The following EYA1 variants were observed in gnomAD, a reference collection of about 807,000 sequenced individuals.
EYA1 encodes protein phosphatase EYA1.
EYA1 carries 16 observed loss-of-function variants against 82.0 expected under a neutral mutation model. The observed-to-expected ratio is 0.20, with a 90% CI of 0.13 to 0.30. The LOEUF (loss-of-function observed/expected upper bound fraction) is 0.30, where lower values mean the gene tolerates loss of function less well. Ranked by LOEUF, EYA1 falls within the 10% of genes least tolerant of loss-of-function variation. The pLI, the probability that EYA1 is intolerant of heterozygous loss-of-function variation, is 1.00. For synonymous variants in EYA1, 261 were observed against 264.4 expected, an observed-to-expected ratio of 0.99 and a Z score of 0.12; for missense variants, 633 against 730.7, an observed-to-expected ratio of 0.87 and a Z score of 1.54.
intron 2 of EYA1, among the ~76,000 whole-genome samples, chr8:71,449,477 CT>C (rs1028518454): frequency 6.6e-6 from 1 of 152,178 alleles, no homozygotes; most frequent in Admixed American, 6.5e-5. Context: ...AAAAGGGAAT[CT>C]TTTTTCCTGA....
chr8:71,352,772 G>GAT (rs1826432916), intron 3 of EYA1, among the ~76,000 whole-genome samples: 2 of 152,122 alleles, frequency 1.3e-5, no homozygotes, highest in Non-Finnish European at 2.9e-5. Context: ...ATATGAATGT[G>GAT]ATATCAAGCT....
Position 71,496,581 on chromosome 8 carries a change from C to A in EYA1, c.33+39163G>T, listed in dbSNP as rs185687144. Among the ~76,000 whole-genome samples, 441 of 152,232 alleles carry A rather than the reference C, an allele frequency of 2.9e-3. 2 individuals are homozygous for A. The highest frequency in any genetic ancestry group is 8.8e-3 in the African/African-American group (365 of 41,542). On this transcript the variant is annotated intron_variant, in intron 2 of 18. Coordinates refer to the EYA1 transcript ENST00000643681. ...GTTGTAATTTAGAAGTTATAGCTAC[C>A]CACAGAGCGAATATACCAGCATTTT...
At chr8:71,325,797 T>C (rs996631825) in intron 4 of EYA1, among the ~76,000 whole-genome samples, 2 of 152,204 alleles carry the variant, frequency 1.3e-5, no homozygotes, top group Non-Finnish European at 2.9e-5. Context: ...GGGCTTTCTT[T>C]AAATCCAAAC....
intron 11 of EYA1, among the ~76,000 whole-genome samples, chr8:71,256,183 T>C (rs532630338): frequency 4.1e-4 from 63 of 152,300 alleles, no homozygotes; most frequent in African/African-American, 1.4e-3. Flanking sequence ...ATAATTACTA[T>C]ATGATCCCAC....
chr8:71,231,168 T>C lies in EYA1; in HGVS notation c.1140+13435A>G, dbSNP rs558972172. 2.0e-5 allele frequency among the ~76,000 whole-genome samples: 3 copies of C among 152,330 alleles called. No individual in the cohort carries two copies. In the South Asian group the frequency reaches 6.2e-4, roughly 32 times the overall value. ...TACCCAGACTACTTTCTCAGTAGCT[T>C]TCACATCAGCCCCTGTTCTCTGTCT... is the stretch of plus-strand genomic sequence containing the variant. On this transcript the variant is annotated intron_variant, in intron 12 of 17. Transcript: ENST00000340726.
intron 2 of EYA1, among the ~76,000 whole-genome samples, chr8:71,514,982 G>C (rs2129260067): frequency 6.6e-6 from 1 of 152,180 alleles, no homozygotes; most frequent in Non-Finnish European, 1.5e-5. Flanking sequence ...AGCAAAATTT[G>C]TATTAAGATC....
At position 71,537,517 on chromosome 8, in the gene EYA1, A is replaced by C. The variant is rs574812653; in HGVS notation, c.-72-1669T>G. The stretch of plus-strand genomic sequence containing the variant: ...TTCCAGGCACCAAGGTGGGATTTTA[A>C]AATAATGATAATAATCCTGCCTTAC... On this transcript the variant is annotated intron_variant, in intron 1 of 18. Transcript: ENST00000643681. 2.6e-5 allele frequency among the ~76,000 whole-genome samples: 4 copies of C among 152,316 alleles called. No individual in the cohort carries two copies. The East Asian group carries it at 7.7e-4, about 29-fold the overall frequency.
At chr8:71,351,605 G>A (rs1826313166) in intron 3 of EYA1, among the ~76,000 whole-genome samples, 1 of 152,158 alleles carries the variant, frequency 6.6e-6, no homozygotes, top group Non-Finnish European at 1.5e-5. Flanking sequence ...AAATAAAAAA[G>A]CACAGTACTT....
intron 2 of EYA1, among the ~76,000 whole-genome samples, chr8:71,525,964 T>C (rs1813787581): frequency 6.6e-6 from 1 of 152,212 alleles, no homozygotes; most frequent in African/African-American, 2.4e-5. Context: ...TGGTTGTTTC[T>C]TTTGCATATT....
chr8:71,281,504 TGGTGACTGCTGC>T (rs2128969480), intron 9 of EYA1, among the ~76,000 whole-genome samples: 1 of 152,386 alleles, frequency 6.6e-6, no homozygotes, highest in African/African-American at 2.4e-5. Flanking sequence ...TCTGTGAAGA[TGGTGACTGCTGC>T]TTGCACTCAG....
intron 2 of EYA1, among the ~76,000 whole-genome samples, chr8:71,510,237 A>G (rs547341289): frequency 6.6e-6 from 1 of 152,208 alleles, no homozygotes; most frequent in East Asian, 1.9e-4. Context: ...AGCAAAGCAA[A>G]CCCCAAAGCA....
intron 2 of EYA1, among the ~76,000 whole-genome samples, chr8:71,398,600 G>T: frequency 6.6e-6 from 1 of 152,216 alleles, no homozygotes; most frequent in East Asian, 1.9e-4. Context: ...AGTGGAGGCT[G>T]AAGAACAGCA....
chr8:71,344,521 G>C (rs1197244755), intron 3 of EYA1, among the ~76,000 whole-genome samples: 1 of 152,106 alleles, frequency 6.6e-6, no homozygotes, highest in African/African-American at 2.4e-5. Context: ...TCATAGATGA[G>C]GAAACTGCAG....
At chr8:71,491,306 C>A (rs1416331524) in intron 2 of EYA1, among the ~76,000 whole-genome samples, 1 of 152,128 alleles carries the variant, frequency 6.6e-6, no homozygotes, top group Non-Finnish European at 1.5e-5. Flanking sequence ...AGAGGCTGAA[C>A]TCTGTAGTTA....
chr8:71,522,845 A>G (rs988082011), intron 2 of EYA1, among the ~76,000 whole-genome samples: 6 of 152,144 alleles, frequency 3.9e-5, no homozygotes, highest in African/African-American at 1.4e-4. Context: ...TCTAGGTTCA[A>G]GCAATCCTCC....
chr8:71,519,708 T>A (rs1279561973), intron 2 of EYA1, among the ~76,000 whole-genome samples: 1 of 152,040 alleles, frequency 6.6e-6, no homozygotes, highest in Non-Finnish European at 1.5e-5. Flanking sequence ...AAAATTATCC[T>A]TTCATTCCAG....
At chr8:71,356,865 G>A (rs769783346) in intron 1 of EYA1, 3 of 295,974 alleles carry the variant, frequency 1.0e-5, no homozygotes, top group Non-Finnish European at 1.5e-5. Flanking sequence ...AAAAAATAGC[G>A]AATGACAAAA....
intron 11 of EYA1, among the ~76,000 whole-genome samples, chr8:71,245,290 GATCTCAGCTC>G (rs1812945720): frequency 6.6e-6 from 1 of 151,844 alleles, no homozygotes; most frequent in Admixed American, 6.6e-5. Flanking sequence ...ACATTGGCGT[GATCTCAGCTC>G]ACTGCAGCCT....
intron 2 of EYA1, among the ~76,000 whole-genome samples, chr8:71,453,319 G>A (rs1368278615): frequency 1.3e-5 from 2 of 152,182 alleles, no homozygotes; most frequent in Non-Finnish European, 2.9e-5. Flanking sequence ...GTGACGGGGA[G>A]AATGGAACCA....
Sources: allele counts gnomAD v4.1 joint callset (sites outside exome capture counted in the v4.1 genomes callset), GRCh38; gene constraint gnomAD v4.1.1; transcripts MANE v1.5; gene names NCBI Gene and HGNC (gene_info 2026-07-23, HGNC 2026-07-21).